SLC4A4: variants seen among roughly 807,000 people sequenced by gnomAD.
SLC4A4 encodes solute carrier family 4 member 4, also known as electrogenic sodium bicarbonate cotransporter 1.
SLC4A4 carries 27 observed loss-of-function variants against 111.5 expected under a neutral mutation model. The ratio of observed to expected loss-of-function variants is 0.24; its 90% CI spans 0.18 to 0.33. The LOEUF (loss-of-function observed/expected upper bound fraction) is 0.33, where lower values mean the gene tolerates loss of function less well. Ranked by LOEUF, SLC4A4 falls within the 10% of genes least tolerant of loss-of-function variation. The pLI, the probability that SLC4A4 is intolerant of heterozygous loss-of-function variation, is 1.00. For missense variants in SLC4A4, 909 were observed against 1,315.5 expected, an observed-to-expected ratio of 0.69 and a Z score of 4.78; for synonymous variants, 443 against 463.4, an observed-to-expected ratio of 0.96 and a Z score of 0.57.
intron 5 of SLC4A4, among the ~76,000 whole-genome samples, chr4:71,354,421 A>G (rs774166785): frequency 1.3e-4 from 20 of 152,184 alleles, no homozygotes; most frequent in Admixed American, 2.0e-4. Context: ...AATAACCCGG[A>G]ACATATTACA....
At chr4:71,567,345 G>T (rs935219735) in intron 25 of SLC4A4, among the ~76,000 whole-genome samples, 1 of 151,592 alleles carries the variant, frequency 6.6e-6, no homozygotes, top group Non-Finnish European at 1.5e-5. Flanking sequence ...TTTAATTTCA[G>T]TATCGTCCCT....
rs184293128 is a variant in SLC4A4, at chr4:71,179,391, A to T, written c.-1-57185A>T. ...AGAAGAAGGAAATAAAGGGCATTCA[A>T]TTAGGAACAGAGGAAGTCAAATTGT... is the stretch of plus-strand genomic sequence containing the variant. On this transcript the variant is annotated intron_variant, in intron 2 of 26. Coordinates refer to the SLC4A4 transcript ENST00000649996. Among the ~76,000 whole-genome samples the T allele has an allele frequency of 3.0e-4, 45 of 152,346 alleles. 1 individual carries two copies. In the East Asian group the frequency reaches 8.7e-3, roughly 29 times the overall value.
chr4:71,133,327 A>C (rs1743758244), intron 2 of SLC4A4, among the ~76,000 whole-genome samples: 1 of 152,230 alleles, frequency 6.6e-6, no homozygotes, highest in South Asian at 2.1e-4. Context: ...GGTTTAAACA[A>C]CAATCATTTG....
chr4:71,540,787 A>T (rs939470781), intron 18 of SLC4A4, among the ~76,000 whole-genome samples: 6 of 152,152 alleles, frequency 3.9e-5, no homozygotes, highest in African/African-American at 7.2e-5. Context: ...ATGAATACTT[A>T]TTAAAGAATC....
chr4:71,127,939 G>A (rs113906024), intron 2 of SLC4A4, among the ~76,000 whole-genome samples: 82 of 152,272 alleles, frequency 5.4e-4, no homozygotes, highest in African/African-American at 1.1e-3. Context: ...CCTGGGCAAC[G>A]TGATGAAACC....
intron 18 of SLC4A4, among the ~76,000 whole-genome samples, chr4:71,537,940 G>T (rs1283996850): frequency 6.6e-6 from 1 of 151,966 alleles, no homozygotes; most frequent in East Asian, 1.9e-4. Context: ...TTCTTCGCGT[G>T]GCTGTTGTTT....
intron 2 of SLC4A4, among the ~76,000 whole-genome samples, chr4:71,179,934 C>G (rs1745232945): frequency 6.6e-6 from 1 of 152,176 alleles, no homozygotes; most frequent in Non-Finnish European, 1.5e-5. Flanking sequence ...AGGCATCACA[C>G]TACCTGACTT....
At chr4:71,376,223 A>G (rs1048505683) in intron 6 of SLC4A4, among the ~76,000 whole-genome samples, 1 of 150,634 alleles carries the variant, frequency 6.6e-6, no homozygotes, top group Non-Finnish European at 1.5e-5. Context: ...ATTTTTTGAG[A>G]CGGAGTCTCG....
intron 6 of SLC4A4, among the ~76,000 whole-genome samples, chr4:71,392,026 C>T (rs1188533094): frequency 6.6e-6 from 1 of 152,066 alleles, no homozygotes; most frequent in Non-Finnish European, 1.5e-5. Context: ...AATATGTCTT[C>T]TGAAATGTCA....
intron 16 of SLC4A4, among the ~76,000 whole-genome samples, chr4:71,501,652 T>G (rs1240626808): frequency 6.6e-6 from 1 of 151,316 alleles, no homozygotes; most frequent in African/African-American, 2.4e-5. Context: ...ATTAATTAGT[T>G]AATATTTTTT....
chr4:71,081,279 CA>C (rs1741987324), intron 1 of SLC4A4, among the ~76,000 whole-genome samples: 1 of 152,094 alleles, frequency 6.6e-6, no homozygotes, highest in South Asian at 2.1e-4. Context: ...AATTCCCCCA[CA>C]AATTGTTTTT....
chr4:71,112,060 C>T (rs1261438900), intron 2 of SLC4A4, among the ~76,000 whole-genome samples: 1 of 152,174 alleles, frequency 6.6e-6, no homozygotes, highest in East Asian at 1.9e-4. Context: ...GAGAGACATC[C>T]TGTGCTACAA....
chr4:71,099,156 A>G (rs1374506384), intron 2 of SLC4A4, among the ~76,000 whole-genome samples: 2 of 152,172 alleles, frequency 1.3e-5, no homozygotes, highest in African/African-American at 2.4e-5. Context: ...CAGAATATAC[A>G]TTCTTCTCAT....
At chr4:71,131,160 T>G (rs961514347) in intron 2 of SLC4A4, among the ~76,000 whole-genome samples, 2 of 152,218 alleles carry the variant, frequency 1.3e-5, no homozygotes, top group Non-Finnish European at 2.9e-5. Context: ...AGAGTGGGGA[T>G]CTGTCTGTCC....
chr4:71,457,170 T>G (rs1296124467), intron 12 of SLC4A4, among the ~76,000 whole-genome samples: 3 of 152,182 alleles, frequency 2.0e-5, no homozygotes, highest in African/African-American at 4.8e-5. Context: ...GTTTGAAGCA[T>G]TTATGTTAGA....
At chr4:71,312,088 A>T (rs1293586209) in intron 3 of SLC4A4, among the ~76,000 whole-genome samples, 1 of 152,346 alleles carries the variant, frequency 6.6e-6, no homozygotes, top group Middle Eastern at 3.4e-3. Flanking sequence ...GATAAAGGGG[A>T]TATCACCACT....
intron 6 of SLC4A4, among the ~76,000 whole-genome samples, chr4:71,369,187 G>T (rs934419795): frequency 3.3e-5 from 5 of 152,302 alleles, no homozygotes; most frequent in Middle Eastern, 6.8e-3. Flanking sequence ...GTGGTCGGGA[G>T]AGGGAGGGCA....
Position 71,124,361 on chromosome 4 carries a change from G to A in SLC4A4, c.-2+31569G>A, listed in dbSNP as rs147532257. Among the ~76,000 whole-genome samples the A allele has an allele frequency of 3.3e-3, 504 of 152,052 alleles. 25 individuals carry two copies. In the East Asian group the frequency reaches 0.085, roughly 26 times the overall value. On this transcript the variant is annotated intron_variant, in intron 2 of 26. Coordinates refer to the SLC4A4 transcript ENST00000649996. ...TAATTTTTGTATTTTTAGTAGAGAC[G>A]GGGTTTCACCACATTGGCCAGGATG...
intron 12 of SLC4A4, among the ~76,000 whole-genome samples, chr4:71,455,176 C>A (rs73828153): frequency 0.011 from 1,666 of 152,180 alleles, 40 homozygotes; most frequent in African/African-American, 0.036. Flanking sequence ...CTTAGTGAAA[C>A]CAGTGATTTT....
Sources: gnomAD v4.1 joint callset for allele counts (sites outside exome capture counted in the v4.1 genomes callset) on GRCh38, gnomAD v4.1.1 for gene constraint, MANE v1.5 for transcripts, NCBI Gene and HGNC (gene_info 2026-07-23, HGNC 2026-07-21) for gene names.